The following RYR2 variants were observed in gnomAD, a reference collection of about 807,000 sequenced individuals.
The protein encoded by RYR2 is cardiac muscle ryanodine receptor-calcium release channel.
Under a neutral mutation model 601.1 loss-of-function variants are expected in RYR2, and 227 were observed. The ratio of observed to expected loss-of-function variants is 0.38; its 90% CI spans 0.34 to 0.42. The LOEUF (loss-of-function observed/expected upper bound fraction) is 0.42. Among genes scored for constraint, RYR2 ranks in the 10% least tolerant of loss-of-function variants. The pLI, the probability that RYR2 is intolerant of heterozygous loss-of-function variation, is 1.00. For missense variants in RYR2, 4,646 were observed against 6,156.5 expected (o/e 0.75, Z 8.21); for synonymous variants, 2,223 against 2,175.1 (o/e 1.02, Z -0.61).
intron 75 of RYR2, 122 bp downstream of exon 75, chr1:237,726,430 A>T: frequency 1.5e-6 from 1 of 661,046 alleles, no homozygotes; most frequent in Non-Finnish European, 2.7e-6. Context: ...TATTAGTTAT[A>T]TAAATAACTT....
intron 17 of RYR2, among the ~76,000 whole-genome samples, chr1:237,485,742 G>A (rs1662609207): frequency 6.6e-6 from 1 of 152,120 alleles, no homozygotes; most frequent in Non-Finnish European, 1.5e-5. Flanking sequence ...TTCATATGTA[G>A]GTATACATAT....
intron 24 of RYR2, among the ~76,000 whole-genome samples, chr1:237,528,366 A>T (rs570392326): frequency 3.9e-5 from 6 of 152,120 alleles, no homozygotes; most frequent in Non-Finnish European, 8.8e-5. Context: ...GTATGTATGG[A>T]TAGGAAAAAG....
chr1:237,550,739 A>G, intron 27 of RYR2, 48 bp downstream of exon 27: 1 of 1,507,358 alleles, frequency 6.6e-7, no homozygotes, highest in Non-Finnish European at 8.9e-7. Context: ...ATGATGTAGT[A>G]GTTCTTTAAA....
intron 62 of RYR2, among the ~76,000 whole-genome samples, chr1:237,684,612 T>C (rs1686201641): frequency 6.6e-6 from 1 of 152,136 alleles, no homozygotes. Context: ...AGAAAAAGAA[T>C]CGTTTCGAAG....
chr1:237,708,268 T>A (rs1271608759), intron 68 of RYR2, among the ~76,000 whole-genome samples: 1 of 152,214 alleles, frequency 6.6e-6, no homozygotes, highest in African/African-American at 2.4e-5. Context: ...TTTGGGTAGA[T>A]GATTATGGTT....
At chr1:237,046,732 C>T (rs1361350430) in intron 1 of RYR2, among the ~76,000 whole-genome samples, 1 of 152,228 alleles carries the variant, frequency 6.6e-6, no homozygotes, top group Admixed American at 6.5e-5. Context: ...AGGACTCCAG[C>T]AGCACTGGGT....
At chr1:237,768,078 T>G (rs182725309) in intron 84 of RYR2, among the ~76,000 whole-genome samples, 1,660 of 152,326 alleles carry the variant, frequency 0.011, 18 homozygotes, top group Middle Eastern at 0.02. Flanking sequence ...CTTTAAAAAT[T>G]TGTTAACTTT....
intron 1 of RYR2, among the ~76,000 whole-genome samples, chr1:237,216,989 C>T (rs1406604928): frequency 2.0e-5 from 3 of 152,288 alleles, no homozygotes; most frequent in East Asian, 3.9e-4. Context: ...CCTGAAATTT[C>T]TGTGGCTGGA....
chr1:237,485,867 G>A (rs1662632123), intron 17 of RYR2, among the ~76,000 whole-genome samples: 1 of 152,164 alleles, frequency 6.6e-6, no homozygotes, highest in Non-Finnish European at 1.5e-5. Flanking sequence ...ACCTTGGAAG[G>A]TCTGGGAAGC....
rs1343375471 is a variant in RYR2, at chr1:237,340,946, G to A, written c.273+9964G>A. ...CTGTGGTTGAAAGATGCATCTTTCA[G>A]TTTTACTGCCTTTCTGTTTCTAGAA... On this transcript the variant is annotated intron_variant, in intron 3 of 104. Transcript: ENST00000366574. Among the ~76,000 whole-genome samples the A allele has an allele frequency of 7.2e-5, 11 of 152,286 alleles. No homozygotes were observed. In the South Asian group the frequency reaches 1.9e-3, roughly 26 times the overall value.
In RYR2 at chr1:237,638,414, G is replaced by A. The variant is rs1358347233; in HGVS notation, c.6850G>A (p.Gly2284Ser). The A allele has an allele frequency of 1.2e-6, 2 of 1,613,936 alleles. No homozygotes were observed. The highest frequency in any genetic ancestry group is 2.2e-5 in the South Asian group (2 of 91,088). The change falls in exon 45 of 105, where the codon GGC (glycine) becomes AGC (serine). Residue 2284 changes from glycine (G) to serine (S), a missense_variant. Gly to Ser is a moderately conservative substitution (Grantham distance 56). This residue lies in a region of RYR2 where 137 missense variants were observed against 273.6 expected (regional missense o/e 0.50). Coordinates refer to ENST00000366574, the MANE Select transcript of RYR2 (RefSeq NM_001035.3). The part of the protein sequence containing the change: ...LQSCQMLVSK[G>S]YPDIGWNPVE... ...AAGTTGCCAGATGCTGGTGTCTAAG[G>A]GCTATCCAGACATTGGGTGGAACCC...
chr1:237,632,894 C>T (rs1044587819), intron 42 of RYR2, among the ~76,000 whole-genome samples: 6 of 151,994 alleles, frequency 3.9e-5, no homozygotes, highest in Admixed American at 1.3e-4. Flanking sequence ...AGTCTGTTTA[C>T]CAGTTAGACA....
intron 5 of RYR2, among the ~76,000 whole-genome samples, chr1:237,368,603 G>C (rs1422371512): frequency 6.6e-6 from 1 of 152,100 alleles, no homozygotes; most frequent in Non-Finnish European, 1.5e-5. Context: ...CAGACCTACT[G>C]AATCAAAATC....
chr1:237,742,755 C>T (rs565942201), intron 80 of RYR2, among the ~76,000 whole-genome samples: 12 of 152,266 alleles, frequency 7.9e-5, no homozygotes, highest in African/African-American at 2.2e-4. Context: ...AAAGATTTGG[C>T]CTTAAAGACT....
At chr1:237,633,189 C>A (rs1680526987) in intron 42 of RYR2, among the ~76,000 whole-genome samples, 2 of 152,102 alleles carry the variant, frequency 1.3e-5, no homozygotes, top group Non-Finnish European at 2.9e-5. Flanking sequence ...GAATTCACTC[C>A]CCTGCCCCTT....
intron 1 of RYR2, among the ~76,000 whole-genome samples, chr1:237,211,179 A>G (rs1682533620): frequency 6.6e-6 from 1 of 152,152 alleles, no homozygotes; most frequent in Non-Finnish European, 1.5e-5. Context: ...TAAACCTTAC[A>G]TGTTTGACAG....
intron 25 of RYR2, among the ~76,000 whole-genome samples, chr1:237,537,349 A>T (rs1262343084): frequency 6.6e-6 from 1 of 152,132 alleles, no homozygotes; most frequent in African/African-American, 2.4e-5. Context: ...TTTTAGATGG[A>T]GTCTTGCTCT....
intron 10 of RYR2, among the ~76,000 whole-genome samples, chr1:237,400,812 G>C (rs1703288806): frequency 6.6e-6 from 1 of 152,104 alleles, no homozygotes. Context: ...CAAAAAGGAA[G>C]GAGATCAGGG....
intron 2 of RYR2, among the ~76,000 whole-genome samples, chr1:237,289,164 G>A (rs570935048): frequency 1.8e-4 from 28 of 152,246 alleles, no homozygotes; most frequent in Non-Finnish European, 2.4e-4. Flanking sequence ...GGGGTCTCCC[G>A]GGTCCTGCAG....
Sources: allele counts gnomAD v4.1 joint callset (sites outside exome capture counted in the v4.1 genomes callset), GRCh38; gene constraint gnomAD v4.1.1; regional missense constraint gnomAD v4.1.1; transcripts MANE v1.5; gene names NCBI Gene and HGNC (gene_info 2026-07-23, HGNC 2026-07-21).